TOX: variants seen among roughly 807,000 people sequenced by gnomAD.
TOX encodes thymocyte selection associated high mobility group box.
Under a neutral mutation model 53.7 loss-of-function variants are expected in TOX, and 11 were observed. The ratio of observed to expected loss-of-function variants is 0.20; its 90% CI spans 0.13 to 0.34. The LOEUF (loss-of-function observed/expected upper bound fraction) is 0.34, where lower values mean the gene tolerates loss of function less well. Among genes scored for constraint, TOX ranks in the 10% least tolerant of loss-of-function variants. The pLI is 1.00. For synonymous variants in TOX, 225 were observed against 245.3 expected (o/e 0.92, Z 0.77); for missense variants, 570 against 664.6 (o/e 0.86, Z 1.56).
At chr8:59,063,108 T>C (rs1022230216) in intron 1 of TOX, among the ~76,000 whole-genome samples, 8 of 152,160 alleles carry the variant, frequency 5.3e-5, no homozygotes, top group Admixed American at 3.9e-4. Context: ...TAGGTATTAG[T>C]TACAGGGCTC....
chr8:58,990,034 C>T (rs1223293272), intron 1 of TOX, among the ~76,000 whole-genome samples: 3 of 152,158 alleles, frequency 2.0e-5, no homozygotes, highest in African/African-American at 7.2e-5. Context: ...GCAAGATTGC[C>T]CACACTTCTA....
At chr8:58,859,054 C>T (rs1810964183) in intron 3 of TOX, among the ~76,000 whole-genome samples, 1 of 152,114 alleles carries the variant, frequency 6.6e-6, no homozygotes, top group South Asian at 2.1e-4. Flanking sequence ...TTCCTAAATG[C>T]ATTTCCGAGA....
intron 5 of TOX, among the ~76,000 whole-genome samples, chr8:58,830,743 A>G (rs1174562532): frequency 3.9e-5 from 6 of 152,198 alleles, no homozygotes; most frequent in African/African-American, 1.4e-4. Flanking sequence ...AGAAGAAAAA[A>G]TGTAAAATTC....
At chr8:58,837,263 G>T (rs1399449919) in intron 5 of TOX, among the ~76,000 whole-genome samples, 1 of 152,148 alleles carries the variant, frequency 6.6e-6, no homozygotes, top group Non-Finnish European at 1.5e-5. Flanking sequence ...CACCTACACA[G>T]TTATTTCAAT....
intron 2 of TOX, among the ~76,000 whole-genome samples, chr8:58,948,968 CA>C (rs1441646768): frequency 2.0e-5 from 3 of 152,078 alleles, no homozygotes; most frequent in Non-Finnish European, 2.9e-5. Flanking sequence ...TTTTCCATAA[CA>C]AAAGTCAGAT....
intron 7 of TOX, among the ~76,000 whole-genome samples, chr8:58,812,785 T>C (rs1011013715): frequency 6.6e-6 from 1 of 152,130 alleles, no homozygotes; most frequent in Non-Finnish European, 1.5e-5. Context: ...ATGTTAGGGG[T>C]TCAATTAAAA....
At chr8:58,872,126 T>C (rs917444561) in intron 3 of TOX, among the ~76,000 whole-genome samples, 5 of 151,930 alleles carry the variant, frequency 3.3e-5, no homozygotes, top group East Asian at 1.9e-4. Flanking sequence ...TACACACACA[T>C]ACAGAGTGGT....
chr8:58,965,632 G>T (rs904106147), intron 1 of TOX, among the ~76,000 whole-genome samples: 1 of 152,100 alleles, frequency 6.6e-6, no homozygotes, highest in African/African-American at 2.4e-5. Context: ...GGGAAAAACA[G>T]CCTCATGGAA....
At position 59,112,187 on chromosome 8, in the gene TOX, G is replaced by A. The variant is rs533889036; in HGVS notation, c.102+6699C>T. Among the ~76,000 whole-genome samples the A allele has an allele frequency of 4.6e-5, 7 of 152,226 alleles. No homozygotes were observed. In the South Asian group the frequency reaches 1.0e-3, roughly 23 times the overall value. On this transcript the variant is annotated intron_variant, in intron 1 of 8. Transcript: ENST00000361421. Reference sequence around the variant, plus strand: ...TCTTTTCTGCTGCACCGTCAACATCGAAGCACAGAGTAATATAATGTTCCC... The same window carrying A: ...TCTTTTCTGCTGCACCGTCAACATCAAAGCACAGAGTAATATAATGTTCCC...
At chr8:59,093,195 A>T (rs1037635401) in intron 1 of TOX, among the ~76,000 whole-genome samples, 12 of 152,182 alleles carry the variant, frequency 7.9e-5, no homozygotes, top group Admixed American at 7.9e-4. Context: ...CTGAGGTGAG[A>T]TCCTGCTTCC....
intron 1 of TOX, among the ~76,000 whole-genome samples, chr8:59,028,108 T>C (rs1563422971): frequency 6.6e-6 from 1 of 152,200 alleles, no homozygotes. Context: ...TTGTATAAAA[T>C]AGCAGTGAGC....
chr8:58,930,137 T>C (rs1433428039), intron 3 of TOX, among the ~76,000 whole-genome samples: 1 of 152,202 alleles, frequency 6.6e-6, no homozygotes, highest in Non-Finnish European at 1.5e-5. Context: ...ATAAATGACA[T>C]TGTACTTTCT....
chr8:58,823,086 T>C (rs549939369), intron 6 of TOX, among the ~76,000 whole-genome samples: 96 of 152,364 alleles, frequency 6.3e-4, no homozygotes, highest in Non-Finnish European at 1.2e-3. Context: ...TGGGCCAGGA[T>C]TTCCATTGGA....
chr8:58,838,338 T>C (rs1277900986), intron 4 of TOX, 27 bp from the exon 5 acceptor site: 3 of 1,588,436 alleles, frequency 1.9e-6, no homozygotes, highest in African/African-American at 2.7e-5. Context: ...AATAGAATTA[T>C]AGGGGGACTG....
At chr8:58,893,721 T>C (rs1195763131) in intron 3 of TOX, among the ~76,000 whole-genome samples, 1 of 152,228 alleles carries the variant, frequency 6.6e-6, no homozygotes, top group Non-Finnish European at 1.5e-5. Flanking sequence ...AGACCTAAGT[T>C]GACTTTACAT....
At chr8:59,064,788 C>A (rs909995429) in intron 1 of TOX, among the ~76,000 whole-genome samples, 1 of 152,050 alleles carries the variant, frequency 6.6e-6, no homozygotes, top group East Asian at 1.9e-4. Flanking sequence ...TAGAATAAAA[C>A]AAGAAATTTT....
At chr8:58,883,435 C>T (rs186116817) in intron 3 of TOX, among the ~76,000 whole-genome samples, 8 of 152,308 alleles carry the variant, frequency 5.3e-5, no homozygotes, top group Middle Eastern at 3.4e-3. Context: ...ACTGATTTCA[C>T]TATTTTTAGT....
At chr8:59,002,686 T>C (rs922766890) in intron 1 of TOX, among the ~76,000 whole-genome samples, 1 of 152,130 alleles carries the variant, frequency 6.6e-6, no homozygotes, top group African/African-American at 2.4e-5. Context: ...TTAGCATGTA[T>C]ATGTCACTAG....
chr8:59,065,819 C>T (rs1804077410), intron 1 of TOX, among the ~76,000 whole-genome samples: 1 of 152,122 alleles, frequency 6.6e-6, no homozygotes, highest in South Asian at 2.1e-4. Flanking sequence ...CTTCTGAATG[C>T]TCACATGAGA....
Sources: allele counts gnomAD v4.1 joint callset (sites outside exome capture counted in the v4.1 genomes callset), GRCh38; gene constraint gnomAD v4.1.1; transcripts MANE v1.5; gene names NCBI Gene and HGNC (gene_info 2026-07-23, HGNC 2026-07-21).